Variants in NDFIP2 observed in about 807,000 individuals in gnomAD.
NDFIP2 encodes NEDD4 family-interacting protein 2.
A neutral mutation model predicts 36.0 loss-of-function variants in NDFIP2; 19 were observed. The ratio of observed to expected loss-of-function variants is 0.53; its 90% CI spans 0.37 to 0.77. The LOEUF (loss-of-function observed/expected upper bound fraction) is 0.77. Among genes scored for constraint, NDFIP2 ranks in the 30% least tolerant of loss-of-function variants. The probability of loss-of-function intolerance (pLI) is 0.00; values close to 1 mark genes in which losing one functional copy is unlikely to be tolerated. For missense variants in NDFIP2, 446 were observed against 435.8 expected, an observed-to-expected ratio of 1.02 and a Z score of -0.21; for synonymous variants, 181 against 167.7, an observed-to-expected ratio of 1.08 and a Z score of -0.61.
chr13:79,511,273 A>G (rs1429758052), intron 1 of NDFIP2, among the ~76,000 whole-genome samples: 4 of 152,136 alleles, frequency 2.6e-5, no homozygotes, highest in Non-Finnish European at 5.9e-5. Context: ...TATGTCAAAG[A>G]CGTATAATTT....
intron 1 of NDFIP2, among the ~76,000 whole-genome samples, chr13:79,484,709 G>T (rs748394976): frequency 8.5e-5 from 13 of 152,166 alleles, no homozygotes; most frequent in Non-Finnish European, 1.9e-4. Context: ...GGGAATTAGA[G>T]TTGCCCTCGA....
chr13:79,503,025 A>T (rs1348302008), intron 1 of NDFIP2, among the ~76,000 whole-genome samples: 1 of 152,084 alleles, frequency 6.6e-6, no homozygotes, highest in Non-Finnish European at 1.5e-5. Context: ...TCTTCTCTGT[A>T]CAGTTGTCTG....
At chr13:79,496,936 T>A (rs1873455718) in intron 1 of NDFIP2, among the ~76,000 whole-genome samples, 1 of 152,046 alleles carries the variant, frequency 6.6e-6, no homozygotes, top group Non-Finnish European at 1.5e-5. Context: ...TTAAGGTAAT[T>A]TCGCTTTGTT....
intron 1 of NDFIP2, among the ~76,000 whole-genome samples, chr13:79,509,069 C>T (rs1162547962): frequency 3.3e-5 from 5 of 151,494 alleles, no homozygotes; most frequent in African/African-American, 9.7e-5. Flanking sequence ...ACTATGTAAC[C>T]CAAAAAGTAT....
chr13:79,500,164 T>G (rs1465323987), intron 1 of NDFIP2, among the ~76,000 whole-genome samples: 1 of 130,814 alleles, frequency 7.6e-6, no homozygotes, highest in East Asian at 2.2e-4. Context: ...TAGATCCCCA[T>G]GCAAAAAAAA....
At chr13:79,537,043 G>A (rs527388562) in intron 3 of NDFIP2, among the ~76,000 whole-genome samples, 4 of 137,252 alleles carry the variant, frequency 2.9e-5, no homozygotes, top group African/African-American at 1.0e-4. Flanking sequence ...GTGAGATCTT[G>A]TCTTAATTTT....
At chr13:79,537,022 C>T (rs1875267675) in intron 3 of NDFIP2, among the ~76,000 whole-genome samples, 2 of 151,644 alleles carry the variant, frequency 1.3e-5, no homozygotes, top group African/African-American at 4.8e-5. Flanking sequence ...TGCACTCCAG[C>T]CTGGGTGAGA....
chr13:79,500,634 G>A (rs4885636), intron 1 of NDFIP2, among the ~76,000 whole-genome samples: 61,929 of 151,840 alleles, frequency 0.41, 13,452 homozygotes, highest in East Asian at 0.7. Flanking sequence ...TACCTGTTAC[G>A]ATGGCCCAAA....
chr13:79,544,641 T>C (rs1384187847), intron 5 of NDFIP2, among the ~76,000 whole-genome samples: 1 of 152,126 alleles, frequency 6.6e-6, no homozygotes, highest in Non-Finnish European at 1.5e-5. Context: ...CATTTAAACA[T>C]TGATTTCTAA....
intron 2 of NDFIP2, among the ~76,000 whole-genome samples, chr13:79,521,433 A>G (rs905091982): frequency 2.0e-5 from 3 of 152,210 alleles, no homozygotes; most frequent in Non-Finnish European, 2.9e-5. Context: ...GTGATTTAGT[A>G]TACTATCTGA....
intron 3 of NDFIP2, 58 bp from the exon 4 acceptor site, chr13:79,539,624 A>G: frequency 2.2e-6 from 3 of 1,378,884 alleles, no homozygotes; most frequent in Non-Finnish European, 1.0e-6. Context: ...TTATGCTTAC[A>G]TTTAAGATGA....
At chr13:79,499,244 T>C (rs1873562953) in intron 1 of NDFIP2, among the ~76,000 whole-genome samples, 1 of 151,960 alleles carries the variant, frequency 6.6e-6, no homozygotes, top group African/African-American at 2.4e-5. Context: ...GAAGAACATC[T>C]ACTAAAAGCC....
chr13:79,543,538 A>C lies in NDFIP2; in HGVS notation c.716-20A>C. On this transcript the variant is annotated intron_variant, in intron 4 of 7. Transcript: ENST00000218652. The stretch of plus-strand genomic sequence containing the variant: ...TTTCCAAATTGTGGTTTATAAAAGA[A>C]CGGTTTCTGTTGCTTTTAGTGGCAT... 1.2e-6 allele frequency: 2 copies of C among 1,612,830 alleles called. No homozygotes were observed. The highest frequency in any genetic ancestry group is 1.7e-6 in the Non-Finnish European group (2 of 1,179,496).
In NDFIP2 at chr13:79,526,186, G is replaced by T. The variant is rs75220942; in HGVS notation, c.487+5211G>T. On this transcript the variant is annotated intron_variant, in intron 2 of 7. Transcript: ENST00000218652. Reference sequence around the variant, plus strand: ...CCTTGGTGACAGATTGGATAAGGATGAGGGAGAAGGGGTTAAGAATGATGC... The same window carrying T: ...CCTTGGTGACAGATTGGATAAGGATTAGGGAGAAGGGGTTAAGAATGATGC... Among the ~76,000 whole-genome samples, 510 of 152,282 alleles carry T rather than the reference G, an allele frequency of 3.3e-3. 17 individuals carry two copies. In the East Asian group the frequency reaches 0.091, roughly 27 times the overall value.
intron 1 of NDFIP2, among the ~76,000 whole-genome samples, chr13:79,490,400 A>G (rs760676284): frequency 7.2e-5 from 11 of 152,162 alleles, no homozygotes; most frequent in Non-Finnish European, 1.6e-4. Flanking sequence ...GAGTGATCAC[A>G]TGCTCGTGAA....
At chr13:79,528,601 T>G (rs1874890393) in intron 2 of NDFIP2, among the ~76,000 whole-genome samples, 1 of 152,330 alleles carries the variant, frequency 6.6e-6, no homozygotes, top group East Asian at 1.9e-4. Flanking sequence ...CTCTGTTCAT[T>G]GTAGGTGCCC....
chr13:79,497,791 GGGGGGTGT>G (rs1187311503), intron 1 of NDFIP2, among the ~76,000 whole-genome samples: 3,469 of 67,138 alleles, frequency 0.052, 133 homozygotes, highest in African/African-American at 0.14. Flanking sequence ...CTTTATCTGT[GGGGGGTGT>G]GTGTGTGTGT....
intron 1 of NDFIP2, among the ~76,000 whole-genome samples, chr13:79,513,252 GT>G (rs763691162): frequency 7.9e-5 from 12 of 152,240 alleles, no homozygotes; most frequent in South Asian, 4.1e-4. Context: ...CAATGAAAGA[GT>G]TATGGAAAGG....
intron 1 of NDFIP2, among the ~76,000 whole-genome samples, chr13:79,501,703 T>C (rs1194771599): frequency 6.6e-6 from 1 of 152,142 alleles, no homozygotes; most frequent in Non-Finnish European, 1.5e-5. Context: ...TCTGTAGTGG[T>C]GTCTTGGCAT....
Sources: allele counts gnomAD v4.1 joint callset (sites outside exome capture counted in the v4.1 genomes callset), GRCh38; gene constraint gnomAD v4.1.1; transcripts MANE v1.5; gene names NCBI Gene and HGNC (gene_info 2026-07-23, HGNC 2026-07-21).